The following SETD2 variants were observed in gnomAD, a reference collection of about 807,000 sequenced individuals.
SETD2 encodes SET domain containing 2, histone lysine methyltransferase.
In SETD2, 31 loss-of-function variants were observed where a neutral mutation model predicts 242.1. The observed-to-expected ratio is 0.13, with a 90% confidence interval of 0.10 to 0.17. SETD2 has a LOEUF of 0.17. Among genes scored for constraint, SETD2 ranks in the 10% least tolerant of loss-of-function variants. SETD2 has a pLI of 1.00. For missense variants in SETD2, 2,481 were observed against 3,046.3 expected, an observed-to-expected ratio of 0.81 and a Z score of 4.37; for synonymous variants, 1,006 against 1,066.5, an observed-to-expected ratio of 0.94 and a Z score of 1.11.
intron 1 of SETD2, among the ~76,000 whole-genome samples, chr3:47,157,912 C>T (rs1021800556): frequency 6.6e-6 from 1 of 151,392 alleles, no homozygotes; most frequent in African/African-American, 2.4e-5. Context: ...GAAACTAACA[C>T]TGTCCTAATT....
At chr3:47,163,719 G>C in intron 1 of SETD2, 135 bp downstream of exon 1, 11 of 496,334 alleles carry the variant, frequency 2.2e-5, no homozygotes, top group Non-Finnish European at 1.9e-5. Flanking sequence ...GCCTGCTCCC[G>C]ACACCGACCG....
rs376422656 is a variant in SETD2 at position 47,122,091 on chromosome 3, A to G, written c.2545T>C (p.Cys849Arg). The G allele has an allele frequency of 1.9e-6, 3 of 1,613,948 alleles. No homozygotes were observed. The highest frequency in any genetic ancestry group is 2.5e-6 in the Non-Finnish European group (3 of 1,179,980). The part of the protein sequence containing the change: ...RNLTDHSKFA[C>R]EEYKQSIGST... ...CCGATGCTCTGCTTATATTCTTCAC[A>G]TGCAAATTTTGAGTGATCTGTCAAA... Residue 849 changes from cysteine to arginine, a missense_variant, in exon 3 of 21, where the codon TGT (cysteine) becomes CGT (arginine). Transcript: ENST00000409792.
chr3:47,088,098 C>CA lies in SETD2; in HGVS notation c.5277+14dup. 1 of 1,600,140 alleles carries CA rather than the reference C, an allele frequency of 6.2e-7. No homozygotes were observed. The highest frequency in any genetic ancestry group is 2.2e-5 in the East Asian group (1 of 44,652). On this transcript the variant is annotated intron_variant, in intron 10 of 20. Coordinates refer to ENST00000409792, the MANE Select transcript of SETD2 (RefSeq NM_014159.7). Reference sequence around the variant, plus strand: ...CACAAAACCAGAAATAAAAAACAAACATTAAAGTGTTCACCTGTATGAGTT... The same window carrying CA: ...CACAAAACCAGAAATAAAAAACAAACAATTAAAGTGTTCACCTGTATGAGTT...
intron 8 of SETD2, 170 bp from the exon 9 acceptor site, chr3:47,098,251 G>T: frequency 4.2e-6 from 2 of 471,662 alleles, no homozygotes; most frequent in Non-Finnish European, 7.0e-6. Context: ...TCTGAAAACT[G>T]CTCTTTAAAA....
At chr3:47,066,854 A>C in intron 13 of SETD2, 1 of 410,766 alleles carries the variant, frequency 2.4e-6, no homozygotes, top group Non-Finnish European at 4.3e-6. Flanking sequence ...GTTCAAGGAA[A>C]GCGACAACAA....
chr3:47,077,170 T>C (rs2041118353), intron 12 of SETD2, among the ~76,000 whole-genome samples: 3 of 152,242 alleles, frequency 2.0e-5, no homozygotes, highest in Middle Eastern at 3.4e-3. Context: ...CTGCAACCTC[T>C]ACCTCCTGGG....
Position 47,121,595 on chromosome 3 carries a change from C to T in SETD2, c.3041G>A (p.Gly1014Asp), listed in dbSNP as rs2043090693. 6.2e-7 allele frequency: 1 copy of T among 1,614,136 alleles called. No homozygotes were observed. Among genetic ancestry groups the T allele is most frequent in the Middle Eastern group, 1.6e-4 (1 of 6,062 alleles). Residue 1014 changes from glycine (G) to aspartate (D), a missense_variant, in exon 3 of 21, where the codon GGT becomes GAT. Physicochemically the swap from Gly to Asp is moderately conservative, Grantham distance 94. This residue lies in a region of SETD2 where 1,300 missense variants were observed against 1,259.2 expected (regional missense o/e 1.03). Coordinates refer to ENST00000409792, the MANE Select transcript of SETD2 (RefSeq NM_014159.7). ...GTCACACTTTAATGCATAAGTTACA[C>T]CATCACTGTCTTCCATGGTTAAATT... ...DLNLTMEDSD[G>D]VTYALKCDSS...
chr3:47,111,731 C>A (rs1335559057), intron 5 of SETD2, among the ~76,000 whole-genome samples: 2 of 150,046 alleles, frequency 1.3e-5, no homozygotes, highest in Non-Finnish European at 1.5e-5. Context: ...ATATCAACAT[C>A]ATTTCTTATC....
intron 19 of SETD2, 33 bp downstream of exon 19, chr3:47,019,727 A>G (rs780880735): frequency 1.4e-5 from 22 of 1,549,718 alleles, no homozygotes; most frequent in Non-Finnish European, 1.9e-5. Context: ...TTTAAGCCTG[A>G]GGAGCTTAGT....
chr3:47,040,367 A>G (rs2039223930), intron 17 of SETD2, among the ~76,000 whole-genome samples: 1 of 152,192 alleles, frequency 6.6e-6, no homozygotes, highest in South Asian at 2.1e-4. Context: ...ATGTCACAAG[A>G]TATCAGAAAC....
chr3:47,164,300 T>G (rs927755676), upstream of SETD2, among the ~76,000 whole-genome samples: 1 of 152,024 alleles, frequency 6.6e-6, no homozygotes, highest in African/African-American at 2.4e-5. This position sits in a 1 kb window ranked among gnomAD's most constrained non-coding sequence, Gnocchi z 5.4. Flanking sequence ...AGGCCGACCG[T>G]GCCTGTGGCT....
At chr3:47,164,777 C>G (rs1184250731), upstream of SETD2, among the ~76,000 whole-genome samples, 1 of 152,258 alleles carries the variant, frequency 6.6e-6, no homozygotes, top group South Asian at 2.1e-4. The surrounding 1 kb of genome is among the most constrained non-coding windows in gnomAD (Gnocchi z 5.4). Flanking sequence ...CCTTCCTTCC[C>G]GCTGTGCCCT....
At position 47,017,395 on chromosome 3, in the gene SETD2, G is replaced by A. The variant is rs1389075753; in HGVS notation, c.7534-141C>T. ...GGAAGTTAATAAGGGGGTAGATGTTGGGGCAGGCTGGTGCTATGATCACCA... is the reference window on the plus strand; with the variant it reads ...GGAAGTTAATAAGGGGGTAGATGTTAGGGCAGGCTGGTGCTATGATCACCA... On this transcript the variant is annotated intron_variant, in intron 20 of 20. Transcript: ENST00000409792. This position sits in a 1 kb window ranked among gnomAD's most constrained non-coding sequence, Gnocchi z 4.8. 1 of 894,792 alleles carries A rather than the reference G, an allele frequency of 1.1e-6. No homozygotes were observed. Among genetic ancestry groups the A allele is most frequent in the African/African-American group, 1.7e-5 (1 of 59,314 alleles). 55.4% of individuals were successfully genotyped at this position (894,792 alleles called of 1,614,324 possible). A position where few individuals can be genotyped will look rare whatever the true frequency, so the allele number is the denominator to read the frequency against.
intron 7 of SETD2, among the ~76,000 whole-genome samples, chr3:47,102,594 C>T (rs893309757): frequency 1.3e-5 from 2 of 152,058 alleles, no homozygotes; most frequent in African/African-American, 4.8e-5. Context: ...AGTTCGAGAC[C>T]AGCCTGGCCA....
intron 12 of SETD2, among the ~76,000 whole-genome samples, chr3:47,082,920 T>C (rs1260674645): frequency 6.6e-6 from 1 of 152,146 alleles, no homozygotes; most frequent in South Asian, 2.1e-4. Flanking sequence ...GGTTGCTTCA[T>C]CTCCGGCAGA....
intron 9 of SETD2, among the ~76,000 whole-genome samples, chr3:47,091,472 C>T (rs2041801804): frequency 2.0e-5 from 3 of 151,822 alleles, no homozygotes; most frequent in Admixed American, 2.0e-4. Flanking sequence ...ACTAAAAATA[C>T]AAAAATTAGG....
At position 47,150,242 on chromosome 3, in the gene SETD2, G is replaced by A. The variant is rs146982109; in HGVS notation, c.71+13612C>T. Among the ~76,000 whole-genome samples, 729 of 151,884 alleles carry A rather than the reference G, an allele frequency of 4.8e-3. 9 individuals carry two copies. Among genetic ancestry groups the A allele is most frequent in the African/African-American group, 0.017 (705 of 41,448 alleles). ...TTTAGTAGAGATGGGGTTTCACCAC[G>A]TTGGCCAGGATGGTCTCGATCTCCT... On this transcript the variant is annotated intron_variant, in intron 1 of 20. Transcript: ENST00000409792.
At chr3:47,027,949 A>G (rs2038579053) in intron 18 of SETD2, among the ~76,000 whole-genome samples, 1 of 151,462 alleles carries the variant, frequency 6.6e-6, no homozygotes, top group Non-Finnish European at 1.5e-5. Flanking sequence ...CCCCCCGCAC[A>G]CCTGACTAAT....
At position 47,123,185 on chromosome 3, in the gene SETD2, C is replaced by T; in HGVS notation, c.1451G>A (p.Arg484Lys). Residue 484 changes from arginine to lysine, a missense_variant, in exon 3 of 21, where the codon AGG becomes AAG. Physicochemically the swap from Arg to Lys is conservative, Grantham distance 26 (BLOSUM62 2). Around this residue, in one of 17 missense-constraint regions of SETD2, gnomAD observed 1,300 missense variants for 1,259.2 expected, o/e 1.03. Coordinates refer to ENST00000409792, the MANE Select transcript of SETD2 (RefSeq NM_014159.7). ...ATCAGATTTAGAATAGGATGATGTC[C>T]TTAGGTCTCTGTAAGAAGAGGAATG... Reference protein sequence around the residue: ...SSHSSSYRDLRTSSYSKSDRD... With the variant: ...SSHSSSYRDLKTSSYSKSDRD... The T allele has an allele frequency of 2.5e-6, 4 of 1,598,250 alleles. No individual in the cohort carries two copies. The South Asian group carries it at 4.5e-5, about 18-fold the overall frequency.
Sources: allele counts gnomAD v4.1 joint callset (sites outside exome capture counted in the v4.1 genomes callset), GRCh38; gene constraint gnomAD v4.1.1; regional missense constraint gnomAD v4.1.1; non-coding constraint Gnocchi (gnomAD v3.1); transcripts MANE v1.5; gene names NCBI Gene and HGNC (gene_info 2026-07-23, HGNC 2026-07-21).